Variants in TMPRSS11A observed in about 807,000 individuals in gnomAD.
The protein encoded by TMPRSS11A is transmembrane protease serine 11A.
A neutral mutation model predicts 58.9 loss-of-function variants in TMPRSS11A; 53 were observed. The observed-to-expected ratio is 0.90, with a 90% confidence interval of 0.72 to 1.13. The LOEUF (loss-of-function observed/expected upper bound fraction) is 1.13, where lower values mean the gene tolerates loss of function less well. TMPRSS11A is among the 50% of genes most tolerant of loss of function. The pLI, the probability that TMPRSS11A is intolerant of heterozygous loss-of-function variation, is 0.00. For synonymous variants in TMPRSS11A, 167 were observed against 169.8 expected, an observed-to-expected ratio of 0.98 and a Z score of 0.13; for missense variants, 493 against 499.3, an observed-to-expected ratio of 0.99 and a Z score of 0.12.
chr4:67,922,732 C>A (rs1399827599), intron 7 of TMPRSS11A, 23 bp downstream of exon 7: 4 of 1,594,390 alleles, frequency 2.5e-6, no homozygotes, highest in African/African-American at 1.3e-5. Flanking sequence ...GAAGTGGGTT[C>A]TAACTTAAGG....
intron 1 of TMPRSS11A, among the ~76,000 whole-genome samples, chr4:67,951,235 C>T (rs1013908296): frequency 3.3e-5 from 5 of 152,172 alleles, no homozygotes; most frequent in African/African-American, 1.2e-4. Context: ...TCTAAAGATG[C>T]TGTCAATGAA....
At chr4:67,951,662 A>G (rs986149) in intron 1 of TMPRSS11A, among the ~76,000 whole-genome samples, 151,825 of 152,018 alleles carry the variant, frequency 1, 75,817 homozygotes, top group Middle Eastern at 1. Context: ...TATTACACAA[A>G]TGCCAATTTA....
intron 3 of TMPRSS11A, among the ~76,000 whole-genome samples, chr4:67,940,991 C>A (rs1247187431): frequency 6.6e-6 from 1 of 152,126 alleles, no homozygotes. Flanking sequence ...TGCAGGATGG[C>A]CAGCCGGCAG....
At chr4:67,928,771 C>T (rs535917184) in intron 5 of TMPRSS11A, among the ~76,000 whole-genome samples, 1 of 152,304 alleles carries the variant, frequency 6.6e-6, no homozygotes, top group Non-Finnish European at 1.5e-5. Flanking sequence ...ATCTGGTTTC[C>T]TCTTGAAGTG....
At chr4:67,946,427 G>A (rs748309914) in intron 2 of TMPRSS11A, 23 bp downstream of exon 2, 2 of 1,576,304 alleles carry the variant, frequency 1.3e-6, no homozygotes, top group South Asian at 1.2e-5. Flanking sequence ...ATCAAATAGA[G>A]TGAAATCTTT....
intron 3 of TMPRSS11A, among the ~76,000 whole-genome samples, chr4:67,937,777 T>C (rs1720787122): frequency 1.3e-5 from 2 of 152,308 alleles, no homozygotes; most frequent in South Asian, 4.1e-4. Context: ...TATACATATA[T>C]ATCTCACAGT....
chr4:67,929,888 T>A lies in TMPRSS11A; in HGVS notation c.473A>T (p.Gln158Leu), dbSNP rs1720566360. 6.2e-7 allele frequency: 1 copy of A among 1,610,504 alleles called. No individual in the cohort carries two copies. Among genetic ancestry groups the A allele is most frequent in the Non-Finnish European group, 8.5e-7 (1 of 1,177,826 alleles). ...GAAGGGGACCTCCTTACCATTAACT[T>A]GAACTGATGAGGCATTTATTGGCAA... is the stretch of plus-strand genomic sequence containing the variant. ...RALPINASSV[Q>L]VNAMSSSTGE... Residue 158 changes from glutamine (Q) to leucine (L), a missense_variant, in exon 5 of 10, where the codon CAA (glutamine) becomes CTA (leucine). Transcript: ENST00000508048.
chr4:67,947,556 AG>A (rs2109763704), intron 1 of TMPRSS11A, among the ~76,000 whole-genome samples: 1 of 152,278 alleles, frequency 6.6e-6, no homozygotes. Context: ...GATTTTCTTT[AG>A]CTCTGAAGTC....
chr4:67,924,228 C>G (rs898256537), intron 5 of TMPRSS11A, 62 bp from the exon 6 acceptor site: 2 of 1,371,494 alleles, frequency 1.5e-6, no homozygotes, highest in Admixed American at 3.4e-5. Flanking sequence ...TCTCAATGAC[C>G]AGGAATAATC....
At chr4:67,948,541 G>A (rs1299140089) in intron 1 of TMPRSS11A, among the ~76,000 whole-genome samples, 3 of 152,140 alleles carry the variant, frequency 2.0e-5, no homozygotes, top group Admixed American at 2.0e-4. Flanking sequence ...AATAGTTTTG[G>A]CATAAGTAAT....
intron 1 of TMPRSS11A, among the ~76,000 whole-genome samples, chr4:67,957,447 C>T (rs139328612): frequency 2.6e-4 from 40 of 152,238 alleles, no homozygotes; most frequent in South Asian, 1.2e-3. Flanking sequence ...GCAAAAGTGA[C>T]GCTTGTTATG....
At chr4:67,937,420 T>C (rs1029172671) in intron 3 of TMPRSS11A, among the ~76,000 whole-genome samples, 5 of 152,230 alleles carry the variant, frequency 3.3e-5, no homozygotes, top group African/African-American at 1.2e-4. Context: ...CAAGAAAAAG[T>C]TAGCTAGCAC....
chr4:67,912,154 A>G (rs1400579451), intron 9 of TMPRSS11A, among the ~76,000 whole-genome samples: 1 of 152,060 alleles, frequency 6.6e-6, no homozygotes, highest in Non-Finnish European at 1.5e-5. Context: ...ATAGTTTTCT[A>G]TGTACCTGGT....
chr4:67,950,460 C>A (rs1458126929), intron 1 of TMPRSS11A, among the ~76,000 whole-genome samples: 1 of 152,350 alleles, frequency 6.6e-6, no homozygotes, highest in South Asian at 2.1e-4. Context: ...AAAATGTCAT[C>A]CGATTAGGGT....
intron 1 of TMPRSS11A, among the ~76,000 whole-genome samples, chr4:67,953,451 A>G (rs1053373267): frequency 5.3e-5 from 8 of 152,260 alleles, no homozygotes; most frequent in Admixed American, 5.2e-4. Flanking sequence ...ATTGAAGTAA[A>G]AGTTTTCCAA....
chr4:67,923,932 T>G (rs1012999696), intron 6 of TMPRSS11A, among the ~76,000 whole-genome samples, 196 bp downstream of exon 6: 1 of 152,180 alleles, frequency 6.6e-6, no homozygotes, highest in Admixed American at 6.5e-5. Flanking sequence ...AAGGTTACCA[T>G]GGCAATTTTT....
rs556522559 is a variant in TMPRSS11A, at chr4:67,953,247, T to A, written c.12-6676A>T. Among the ~76,000 whole-genome samples the A allele has an allele frequency of 5.9e-5, 9 of 152,274 alleles. No individual in the cohort carries two copies. In the East Asian group the frequency reaches 9.6e-4, roughly 16 times the overall value. On this transcript the variant is annotated intron_variant, in intron 1 of 9. Transcript: ENST00000508048. ...AGGTACTGATCTGCAGCCCGGGACT[T>A]GGGGATCCCTGGTTTAAATGAAGTT...
At chr4:67,941,886 T>C (rs751448130) in intron 3 of TMPRSS11A, among the ~76,000 whole-genome samples, 13 of 152,170 alleles carry the variant, frequency 8.5e-5, no homozygotes, top group Admixed American at 2.0e-4. Flanking sequence ...AAATGATTAC[T>C]TCAGTTACAG....
intron 1 of TMPRSS11A, among the ~76,000 whole-genome samples, chr4:67,952,403 G>A (rs898525565): frequency 7.2e-5 from 11 of 152,162 alleles, no homozygotes; most frequent in African/African-American, 2.7e-4. Flanking sequence ...AGCATAAAAG[G>A]TAAGTGAAAG....
Sources: allele counts gnomAD v4.1 joint callset (sites outside exome capture counted in the v4.1 genomes callset), GRCh38; gene constraint gnomAD v4.1.1; transcripts MANE v1.5; gene names NCBI Gene and HGNC (gene_info 2026-07-23, HGNC 2026-07-21).